The following RHAG variants were observed in gnomAD, a reference collection of about 807,000 sequenced individuals.
The protein encoded by RHAG is Rh associated glycoprotein.
A neutral mutation model predicts 42.4 loss-of-function variants in RHAG; 25 were observed. The observed-to-expected ratio is 0.59, with a 90% confidence interval of 0.43 to 0.82. The LOEUF (loss-of-function observed/expected upper bound fraction) is 0.82. Among genes scored for constraint, RHAG ranks in the 40% least tolerant of loss-of-function variants. RHAG has a pLI of 0.00. For synonymous variants in RHAG, 182 were observed against 177.7 expected (o/e 1.02, Z -0.19); for missense variants, 483 against 504.6 (o/e 0.96, Z 0.41).
chr6:49,614,261 C>T (rs1238371116), intron 5 of RHAG, among the ~76,000 whole-genome samples: 2 of 151,074 alleles, frequency 1.3e-5, no homozygotes, highest in African/African-American at 4.9e-5. Flanking sequence ...GGCATAATCT[C>T]GGCTCACTGC....
intron 7 of RHAG, among the ~76,000 whole-genome samples, chr6:49,608,719 T>C (rs1762516825): frequency 6.6e-6 from 1 of 152,160 alleles, no homozygotes; most frequent in African/African-American, 2.4e-5. Context: ...AATTGTACAA[T>C]TTATATTCCA....
At chr6:49,612,668 A>G (rs1762587328) in intron 5 of RHAG, 134 bp from the exon 6 acceptor site, 1 of 1,087,982 alleles carries the variant, frequency 9.2e-7, no homozygotes, top group Non-Finnish European at 1.4e-6. Flanking sequence ...TTTTAAAAAG[A>G]GGTTTGTTTG....
chr6:49,628,169 G>GAC (rs1421236127), intron 1 of RHAG, among the ~76,000 whole-genome samples: 2 of 151,768 alleles, frequency 1.3e-5, no homozygotes, highest in African/African-American at 4.8e-5. Context: ...CACAGAGAGA[G>GAC]AGAGAGAGAC....
chr6:49,622,480 A>G (rs914914288), intron 1 of RHAG, among the ~76,000 whole-genome samples: 1 of 152,016 alleles, frequency 6.6e-6, no homozygotes, highest in Admixed American at 6.5e-5. Flanking sequence ...AAAGTGCTGG[A>G]TTACAGGCGT....
At chr6:49,606,779 C>A in intron 9 of RHAG, 69 bp downstream of exon 9, 2 of 1,064,612 alleles carry the variant, frequency 1.9e-6, no homozygotes, top group Admixed American at 3.4e-5. Context: ...GATATCTAGG[C>A]TTGAAGTGTG....
intron 3 of RHAG, among the ~76,000 whole-genome samples, chr6:49,616,221 C>T (rs778967430): frequency 1.2e-4 from 19 of 152,074 alleles, no homozygotes; most frequent in East Asian, 5.8e-4. Flanking sequence ...TGGTGGTGCA[C>T]GCCTTGTAGT....
At chr6:49,619,056 T>C in intron 2 of RHAG, 123 bp downstream of exon 2, 1 of 1,037,924 alleles carries the variant, frequency 9.6e-7, no homozygotes, top group Non-Finnish European at 1.5e-6. Context: ...ATAAACACTC[T>C]GCCTTCATGA....
intron 7 of RHAG, among the ~76,000 whole-genome samples, chr6:49,610,143 T>C (rs938082424): frequency 2.0e-5 from 3 of 152,082 alleles, no homozygotes; most frequent in African/African-American, 7.2e-5. Context: ...CCTAGATGAC[T>C]GGCTGATGGG....
intron 7 of RHAG, 46 bp from the exon 8 acceptor site, chr6:49,607,266 G>A: frequency 6.7e-7 from 1 of 1,500,100 alleles, no homozygotes; most frequent in Non-Finnish European, 9.2e-7. Flanking sequence ...CTGGATCTCA[G>A]CCAAAGAAAG....
rs1307153902 is a variant in RHAG at position 49,612,347 on chromosome 6, G to GA, written c.945+49dup. The GA allele has an allele frequency of 4.4e-6, 7 of 1,602,068 alleles. No individual in the cohort carries two copies. The African/African-American group carries it at 9.4e-5, about 21-fold the overall frequency. Reference sequence around the variant, plus strand: ...TTTTTTCTGCTGGTGGGACATGTGAGAAAAAAGGTGCAGATTCAGAGTTTG... The same window carrying GA: ...TTTTTTCTGCTGGTGGGACATGTGAGAAAAAAAGGTGCAGATTCAGAGTTTG... On this transcript the variant is annotated intron_variant, in intron 6 of 9. Coordinates refer to ENST00000371175, the MANE Select transcript of RHAG (RefSeq NM_000324.3).
At chr6:49,625,123 A>G (rs1195846851) in intron 1 of RHAG, among the ~76,000 whole-genome samples, 1 of 152,258 alleles carries the variant, frequency 6.6e-6, no homozygotes, top group Non-Finnish European at 1.5e-5. Context: ...TTTTCCCACA[A>G]AGAATACATT....
intron 1 of RHAG, among the ~76,000 whole-genome samples, chr6:49,622,783 A>G (rs1762782745): frequency 6.6e-6 from 1 of 151,400 alleles, no homozygotes. Flanking sequence ...TAGTGGAACA[A>G]TTATTCTGCA....
chr6:49,611,039 A>T lies in RHAG; in HGVS notation c.1052T>A (p.Met351Lys). 6.2e-7 allele frequency: 1 copy of T among 1,613,854 alleles called. No homozygotes were observed. Among genetic ancestry groups the T allele is most frequent in the Non-Finnish European group, 8.5e-7 (1 of 1,179,818 alleles). The change falls in exon 7 of 10, where the codon ATG becomes AAG. Residue 351 changes from methionine (M) to lysine (K), a missense_variant. Coordinates refer to ENST00000371175, the MANE Select transcript of RHAG (RefSeq NM_000324.3). Reference sequence around the variant, plus strand: ...TTTTACTCACGTGTTGGAGGCGCCCATTGCTACTGCCACAATGCCTGCAAG... The same window carrying T: ...TTTTACTCACGTGTTGGAGGCGCCCTTTGCTACTGCCACAATGCCTGCAAG... ...GGLAGIVAVAMGASNTSMAMQ... is the reference protein window; with the variant it reads ...GGLAGIVAVAKGASNTSMAMQ...
At chr6:49,606,962 A>C (rs1407159600) in intron 8 of RHAG, 41 bp from the exon 9 acceptor site, 1 of 1,458,120 alleles carries the variant, frequency 6.9e-7, no homozygotes, top group Admixed American at 1.7e-5. Context: ...TGTGACGCTG[A>C]AGAGGAAAAT....
At position 49,607,191 on chromosome 6, in the gene RHAG, C is replaced by T; in HGVS notation, c.1097G>A (p.Gly366Asp). 1 of 1,613,732 alleles carries T rather than the reference C, an allele frequency of 6.2e-7. No homozygotes were observed. The highest frequency in any genetic ancestry group is 8.5e-7 in the Non-Finnish European group (1 of 1,179,844). Residue 366 changes from glycine to aspartate, a missense_variant, in exon 8 of 10, where the codon GGT becomes GAT. Physicochemically the swap from Gly to Asp is moderately conservative, Grantham distance 94. Transcript: ENST00000371175. Reference protein sequence around the residue: ...TSMAMQAAALGSSIGTAVVGG... With the variant: ...TSMAMQAAALDSSIGTAVVGG... The stretch of plus-strand genomic sequence containing the variant: ...AACAACTGCTGTTCCGATAGAGGAA[C>T]CCAGTGCAGCTGCCTGCATGGCCAT...
chr6:49,631,444 A>G lies in RHAG; in HGVS notation c.157+5212T>C, dbSNP rs553973987. On this transcript the variant is annotated intron_variant, in intron 1 of 9. Transcript: ENST00000371175. ...CTCCTCTTTTTCTCTTTTATGCAATATTTCTATGGGCTTATTGAATCCCTT... is the reference window on the plus strand; with the variant it reads ...CTCCTCTTTTTCTCTTTTATGCAATGTTTCTATGGGCTTATTGAATCCCTT... Among the ~76,000 whole-genome samples the G allele has an allele frequency of 3.4e-4, 52 of 152,236 alleles. 2 individuals are homozygous for G. In the South Asian group the frequency reaches 0.011, roughly 31 times the overall value.
At chr6:49,616,020 T>A (rs1335065158) in intron 3 of RHAG, among the ~76,000 whole-genome samples, 1 of 152,194 alleles carries the variant, frequency 6.6e-6, no homozygotes, top group African/African-American at 2.4e-5. Flanking sequence ...TTAGACAAAT[T>A]ATTAAACATC....
At position 49,629,545 on chromosome 6, in the gene RHAG, C is replaced by T. The variant is rs548028487; in HGVS notation, c.157+7111G>A. Among the ~76,000 whole-genome samples, 4 of 152,290 alleles carry T rather than the reference C, an allele frequency of 2.6e-5. No homozygotes were observed. In the East Asian group the frequency reaches 7.8e-4, roughly 30 times the overall value. ...TGCCTGCCAGTCCCGGTGTTGTGCA[C>T]CCACACTCCTCAGCCCTTGGGTGGT... On this transcript the variant is annotated intron_variant, in intron 1 of 9. Transcript: ENST00000371175.
chr6:49,629,838 C>A (rs1227145937), intron 1 of RHAG, among the ~76,000 whole-genome samples: 1 of 143,962 alleles, frequency 6.9e-6, no homozygotes, highest in Non-Finnish European at 1.5e-5. Context: ...GCCGGCTGCT[C>A]CGAGTGCGGG....
Sources: allele counts gnomAD v4.1 joint callset (sites outside exome capture counted in the v4.1 genomes callset), GRCh38; gene constraint gnomAD v4.1.1; transcripts MANE v1.5; gene names NCBI Gene and HGNC (gene_info 2026-07-23, HGNC 2026-07-21).